Variants in ARHGAP19 observed in about 807,000 individuals in gnomAD.
ARHGAP19 encodes rho GTPase-activating protein 19.
Under a neutral mutation model 60.9 loss-of-function variants are expected in ARHGAP19, and 48 were observed. The ratio of observed to expected loss-of-function variants is 0.79; its 90% CI spans 0.62 to 1.00. The LOEUF is 1.00. ARHGAP19 is among the 50% of genes least tolerant of loss of function. The pLI, the probability that ARHGAP19 is intolerant of heterozygous loss-of-function variation, is 0.00. For missense variants in ARHGAP19, 562 were observed against 597.2 expected, an observed-to-expected ratio of 0.94 and a Z score of 0.61; for synonymous variants, 209 against 215.5, an observed-to-expected ratio of 0.97 and a Z score of 0.27.
At chr10:97,243,185 T>C (rs893181316) in intron 8 of ARHGAP19, among the ~76,000 whole-genome samples, 1 of 152,198 alleles carries the variant, frequency 6.6e-6, no homozygotes, top group African/African-American at 2.4e-5. Context: ...TTCACCATTA[T>C]CTGAGTACTT....
At chr10:97,256,220 C>T in intron 6 of ARHGAP19, 98 bp downstream of exon 6, 1 of 983,702 alleles carries the variant, frequency 1.0e-6, no homozygotes, top group Admixed American at 1.9e-5. Flanking sequence ...CCATTCAGGA[C>T]CTTTTTCTCG....
intron 1 of ARHGAP19, among the ~76,000 whole-genome samples, chr10:97,288,670 C>G (rs11189103): frequency 0.012 from 1,849 of 151,922 alleles, 19 homozygotes; most frequent in Non-Finnish European, 0.019. Flanking sequence ...TTTATCACCA[C>G]GAGAAAATAT....
intron 6 of ARHGAP19, among the ~76,000 whole-genome samples, chr10:97,248,365 G>A (rs1842593425): frequency 6.6e-6 from 1 of 151,844 alleles, no homozygotes; most frequent in Admixed American, 6.6e-5. Context: ...TGTGAGCCCA[G>A]ATCGTGCTAC....
chr10:97,270,697 T>C, intron 1 of ARHGAP19: 1 of 1,539,742 alleles, frequency 6.5e-7, no homozygotes, highest in Non-Finnish European at 8.8e-7. Context: ...GAAACTCTCC[T>C]TTCCCTGCCC....
intron 6 of ARHGAP19, among the ~76,000 whole-genome samples, chr10:97,254,981 G>A (rs936320759): frequency 8.5e-5 from 13 of 152,258 alleles, no homozygotes; most frequent in South Asian, 2.1e-4. Flanking sequence ...GACAAATACC[G>A]TATGAGTCCA....
chr10:97,251,098 GAA>G (rs1842639052), intron 6 of ARHGAP19, among the ~76,000 whole-genome samples: 1 of 130,966 alleles, frequency 7.6e-6, no homozygotes, highest in Non-Finnish European at 1.6e-5. Context: ...AGGGGAAGGG[GAA>G]AAGGAAGGGG....
chr10:97,224,375 G>A lies in ARHGAP19; in HGVS notation c.*1747C>T, dbSNP rs924040943. 1 of 152,142 alleles carries A rather than the reference G, an allele frequency of 6.6e-6. No individual in the cohort carries two copies. Among genetic ancestry groups the A allele is most frequent in the East Asian group, 1.9e-4 (1 of 5,200 alleles). 9.4% of individuals were successfully genotyped at this position (152,142 alleles called of 1,614,324 possible). A position where few individuals can be genotyped will look rare whatever the true frequency, so the allele number is the denominator to read the frequency against. Reference sequence around the variant, plus strand: ...ATATTTAATAGAAACCTACGCAAACGAATTTGCTAATATGTGTTTTTACAA... The same window carrying A: ...ATATTTAATAGAAACCTACGCAAACAAATTTGCTAATATGTGTTTTTACAA... On this transcript the variant is annotated 3_prime_UTR_variant, in exon 12 of 12. Transcript: ENST00000358531.
chr10:97,244,885 C>CTT (rs529762498), intron 7 of ARHGAP19, among the ~76,000 whole-genome samples: 12 of 131,734 alleles, frequency 9.1e-5, no homozygotes, highest in Non-Finnish European at 1.5e-4. Flanking sequence ...TAACTTCTCA[C>CTT]TTTTTTTTTT....
chr10:97,266,052 A>G lies in ARHGAP19; in HGVS notation c.130T>C (p.Phe44Leu). 1.2e-6 allele frequency: 2 copies of G among 1,614,274 alleles called. No homozygotes were observed. Among genetic ancestry groups the G allele is most frequent in the Non-Finnish European group, 1.7e-6 (2 of 1,180,058 alleles). The change falls in exon 2 of 12, where the codon TTT becomes CTT. Residue 44 changes from phenylalanine (F) to leucine (L), a missense_variant. Coordinates refer to ENST00000358531, the MANE Select transcript of ARHGAP19 (RefSeq NM_032900.6). ...TCATGTCGGAGTTTCTCCACAAAAA[A>G]GTCAGGATTAAAGATAATGGGCTGA... ...RGQPIIFNPD[F>L]FVEKLRHEKP... is the part of the protein sequence containing the mutation.
At chr10:97,248,784 A>G (rs1436028931) in intron 6 of ARHGAP19, among the ~76,000 whole-genome samples, 1 of 152,160 alleles carries the variant, frequency 6.6e-6, no homozygotes, top group Admixed American at 6.6e-5. Context: ...AAGGGCTATC[A>G]CCGGCCAAAT....
rs377506718 is a variant in ARHGAP19 at position 97,247,966 on chromosome 10, CT to C, written c.928-1630del. ...AGTATATCTTTTAATGTGGTTTTGA[CT>C]TTTTTTTTTTTTTTTTGAGACGGAG... On this transcript the variant is annotated intron_variant, in intron 6 of 11. Transcript: ENST00000358531. 3.9e-3 allele frequency among the ~76,000 whole-genome samples: 530 copies of C among 135,036 alleles called. 3 individuals carry two copies. Among genetic ancestry groups the C allele is most frequent in the African/African-American group, 0.013 (485 of 36,384 alleles). 88.6% of individuals were successfully genotyped at this position (135,036 alleles called of 152,430 possible). A position where few individuals can be genotyped will look rare whatever the true frequency, so the allele number is the denominator to read the frequency against.
intron 8 of ARHGAP19, among the ~76,000 whole-genome samples, chr10:97,236,212 A>T (rs1272170908): frequency 6.6e-6 from 1 of 152,044 alleles, no homozygotes; most frequent in African/African-American, 2.4e-5. Flanking sequence ...CCTGACCTCA[A>T]GTGATCCGCC....
intron 2 of ARHGAP19, 27 bp downstream of exon 2, chr10:97,265,833 C>T: frequency 6.2e-7 from 1 of 1,607,990 alleles, no homozygotes; most frequent in South Asian, 1.1e-5. Flanking sequence ...CTGAGGCCTG[C>T]CCACCCTTCA....
chr10:97,265,445 G>A (rs367643146), intron 2 of ARHGAP19: 1 of 193,310 alleles, frequency 5.2e-6, no homozygotes. Flanking sequence ...GCTGCAGTGA[G>A]CTATGATGAC....
At chr10:97,261,810 G>C (rs1478422928) in intron 4 of ARHGAP19, among the ~76,000 whole-genome samples, 1 of 152,180 alleles carries the variant, frequency 6.6e-6, no homozygotes, top group Admixed American at 6.5e-5. Flanking sequence ...TATTGATGCT[G>C]TGAACACTTA....
chr10:97,284,451 C>T (rs111528817), intron 1 of ARHGAP19, among the ~76,000 whole-genome samples: 4,256 of 152,036 alleles, frequency 0.028, 189 homozygotes, highest in African/African-American at 0.093. Context: ...TTTTTCTAGC[C>T]TTCTGTAGTA....
chr10:97,229,725 T>G lies in ARHGAP19; in HGVS notation c.1395+39A>C, dbSNP rs772159304. The G allele has an allele frequency of 3.5e-6, 5 of 1,443,994 alleles. No homozygotes were observed. The South Asian group carries it at 6.0e-5, about 17-fold the overall frequency. 89.4% of individuals were successfully genotyped at this position (1,443,994 alleles called of 1,614,324 possible). A position where few individuals can be genotyped will look rare whatever the true frequency, so the allele number is the denominator to read the frequency against. On this transcript the variant is annotated intron_variant, in intron 10 of 11. Transcript: ENST00000358531. ...TCAATTTTCCTCTTTTCTACAAATA[T>G]ATACAGACAGACAGACAGTCCAAAG...
chr10:97,251,403 G>GA (rs1482771480), intron 6 of ARHGAP19, among the ~76,000 whole-genome samples: 1 of 30,450 alleles, frequency 3.3e-5, no homozygotes, highest in Non-Finnish European at 7.0e-5. Flanking sequence ...GGAAGGGGAA[G>GA]GGAAGGGAAA....
chr10:97,284,438 A>G (rs895611495), intron 1 of ARHGAP19, among the ~76,000 whole-genome samples: 1 of 152,006 alleles, frequency 6.6e-6, no homozygotes, highest in African/African-American at 2.4e-5. Flanking sequence ...TTTTTTCTAC[A>G]TATTTTTCTA....
Sources: allele counts gnomAD v4.1 joint callset (sites outside exome capture counted in the v4.1 genomes callset), GRCh38; gene constraint gnomAD v4.1.1; transcripts MANE v1.5; gene names NCBI Gene and HGNC (gene_info 2026-07-23, HGNC 2026-07-21).